SIAE: variants seen among roughly 807,000 people sequenced by gnomAD.
The protein encoded by SIAE is sialic acid acetylesterase.
SIAE carries 39 observed loss-of-function variants against 52.6 expected under a neutral mutation model. That is an observed-to-expected ratio of 0.74 (90% CI 0.57 to 0.97). The LOEUF is 0.97. Ranked by LOEUF, SIAE falls within the 50% of genes least tolerant of loss-of-function variation. The pLI is 0.00. For missense variants in SIAE, 592 were observed against 662.1 expected (o/e 0.89, Z 1.16); for synonymous variants, 233 against 241.4 (o/e 0.97, Z 0.32).
At position 124,633,574 on chromosome 11, in the gene SIAE, G is replaced by C. The variant is rs966385592; in HGVS notation, c.*3377C>G. Reference sequence around the variant, plus strand: ...TCTGACCAGCAGAGGGAGGGATCAGGCAGCAGTGTTTAGAGCACACCACAC... The same window carrying C: ...TCTGACCAGCAGAGGGAGGGATCAGCCAGCAGTGTTTAGAGCACACCACAC... On this transcript the variant is annotated 3_prime_UTR_variant, in exon 10 of 10. Transcript: ENST00000263593. 6.6e-6 allele frequency: 1 copy of C among 152,234 alleles called. No individual in the cohort carries two copies. Among genetic ancestry groups the C allele is most frequent in the Non-Finnish European group, 1.5e-5 (1 of 68,050 alleles). 9.4% of individuals were successfully genotyped at this position (152,234 alleles called of 1,614,324 possible).
At chr11:124,661,668 A>G (rs564017951) in intron 2 of SIAE, among the ~76,000 whole-genome samples, 1 of 152,376 alleles carries the variant, frequency 6.6e-6, no homozygotes, top group Non-Finnish European at 1.5e-5. Flanking sequence ...AGAATCAAGC[A>G]ACATGAACAA....
chr11:124,671,768 G>A (rs1035131274), intron 1 of SIAE, among the ~76,000 whole-genome samples: 1 of 151,974 alleles, frequency 6.6e-6, no homozygotes, highest in Admixed American at 6.5e-5. Flanking sequence ...TTTCTTGTTT[G>A]TTTGTTTTTT....
In SIAE at chr11:124,636,158, A is replaced by G. The variant is rs1375487650; in HGVS notation, c.*793T>C. The G allele has an allele frequency of 1.3e-5, 2 of 152,154 alleles. No individual in the cohort carries two copies. The highest frequency in any genetic ancestry group is 2.9e-5 in the Non-Finnish European group (2 of 68,050). The allele number at this position is 152,154 out of a possible 1,614,324, so 9.4% of individuals were successfully genotyped here. On this transcript the variant is annotated 3_prime_UTR_variant, in exon 10 of 10. Coordinates refer to ENST00000263593, the MANE Select transcript of SIAE (RefSeq NM_170601.5). ...GCAGCCCAAGTGCCTTCGCTGGGCT[A>G]CTCCCACCTGGCCCTTGCTTTTCAT...
Position 124,637,043 on chromosome 11 carries a change from G to A in SIAE, c.1480C>T (p.Leu494=), listed in dbSNP as rs758769574. 25 of 1,614,014 alleles carry A rather than the reference G, an allele frequency of 1.5e-5. No individual in the cohort carries two copies. In the South Asian group the frequency reaches 2.7e-4, roughly 18 times the overall value. The change falls in exon 10 of 10, where the codon CTA becomes TTA. Residue 494 remains leucine, a synonymous_variant. Transcript: ENST00000263593. The stretch of plus-strand genomic sequence containing the variant: ...GGCAGGGCACTACTGGGGTGGTATA[G>A]GGGACACTGCTTATATTCACAAGGC... The part of the protein sequence containing the change: ...TWPCEYKQCP[L]YHPSSALPAP...
intron 3 of SIAE, 56 bp downstream of exon 3, chr11:124,660,572 T>C (rs1419218372): frequency 1.9e-6 from 3 of 1,593,178 alleles, no homozygotes; most frequent in African/African-American, 2.7e-5. Flanking sequence ...TATTCCTCCT[T>C]CTTTTCCTTC....
intron 4 of SIAE, among the ~76,000 whole-genome samples, chr11:124,652,652 T>G (rs570493651): frequency 1.4e-5 from 2 of 138,878 alleles, no homozygotes; most frequent in Non-Finnish European, 3.0e-5. Flanking sequence ...CAAGATCACA[T>G]CACTGCACTC....
intron 1 of SIAE, among the ~76,000 whole-genome samples, chr11:124,673,236 G>C (rs995128302): frequency 1.3e-5 from 2 of 152,170 alleles, no homozygotes; most frequent in African/African-American, 4.8e-5. Flanking sequence ...CACCACTGAG[G>C]GGGTAGCGCT....
rs1222356866 is a variant in SIAE at position 124,670,192 on chromosome 11, G to C, written c.68-671C>G. ...CAAATAAATCAAGACACATAAATAA[G>C]GTCAGTGAGAGATAGAAGGTCAACA... is the stretch of plus-strand genomic sequence containing the variant. On this transcript the variant is annotated intron_variant, in intron 1 of 9. Transcript: ENST00000263593. This position sits in a 1 kb window ranked among gnomAD's most constrained non-coding sequence, Gnocchi z 4.5. 6.6e-6 allele frequency among the ~76,000 whole-genome samples: 1 copy of C among 152,090 alleles called. No homozygotes were observed. Among genetic ancestry groups the C allele is most frequent in the East Asian group, 1.9e-4 (1 of 5,192 alleles).
rs544665613 is a variant in SIAE, at chr11:124,641,857, G to A, written c.967-1990C>T. On this transcript the variant is annotated intron_variant, in intron 7 of 9. Transcript: ENST00000263593. ...TGCCTGTAATCCCAGCTACTCGGGAGGCTGAGGCAGGAGAATCACTTGAAC... is the reference window on the plus strand; with the variant it reads ...TGCCTGTAATCCCAGCTACTCGGGAAGCTGAGGCAGGAGAATCACTTGAAC... 2.2e-4 allele frequency among the ~76,000 whole-genome samples: 33 copies of A among 151,838 alleles called. 1 individual carries two copies. In the South Asian group the frequency reaches 6.7e-3, roughly 31 times the overall value.
Position 124,669,426 on chromosome 11 carries a change from C to T in SIAE, c.163G>A (p.Ala55Thr). 1.2e-6 allele frequency: 2 copies of T among 1,614,190 alleles called. No homozygotes were observed. The highest frequency in any genetic ancestry group is 1.7e-6 in the Non-Finnish European group (2 of 1,180,034). The change falls in exon 2 of 10, where the codon GCC becomes ACC. Residue 55 changes from alanine (A) to threonine (T), a missense_variant. Ala to Thr is a moderately conservative substitution (Grantham distance 58). Coordinates refer to ENST00000263593, the MANE Select transcript of SIAE (RefSeq NM_170601.5). Reference sequence around the variant, plus strand: ...TGGCGCAGGGTCACGGTCACTGTGGCTCCAGGTGTACCGAAGCCCCATATC... The same window carrying T: ...TGGCGCAGGGTCACGGTCACTGTGGTTCCAGGTGTACCGAAGCCCCATATC... ...AVIWGFGTPG[A>T]TVTVTLRQGQ...
chr11:124,671,406 A>C lies in SIAE; in HGVS notation c.68-1885T>G, dbSNP rs575096392. On this transcript the variant is annotated intron_variant, in intron 1 of 9. Transcript: ENST00000263593. ...ATAGCAGGCAAAAATCCTTGCCCAC[A>C]GGGAGCTTCCATTCTACTAGAGACT... Among the ~76,000 whole-genome samples, 4 of 152,338 alleles carry C rather than the reference A, an allele frequency of 2.6e-5. No individual in the cohort carries two copies. In the East Asian group the frequency reaches 7.7e-4, roughly 29 times the overall value.
At chr11:124,663,499 G>A (rs1300992016) in intron 2 of SIAE, among the ~76,000 whole-genome samples, 3 of 151,984 alleles carry the variant, frequency 2.0e-5, no homozygotes, top group Non-Finnish European at 4.4e-5. Flanking sequence ...GTGTGAACCC[G>A]GGAGGCGGAG....
rs531523777 is a variant in SIAE, at chr11:124,647,277, C to T, written c.966+88G>A. ...ATCCAGGAAAGAGATCCAAATAGCA[C>T]ATCCCCACACCAATGCCCATAAACC... On this transcript the variant is annotated intron_variant, in intron 7 of 9. Coordinates refer to ENST00000263593, the MANE Select transcript of SIAE (RefSeq NM_170601.5). 7 of 1,562,250 alleles carry T rather than the reference C, an allele frequency of 4.5e-6. No homozygotes were observed. In the African/African-American group the frequency reaches 9.5e-5, roughly 21 times the overall value.
chr11:124,638,551 CTTG>C lies in SIAE; in HGVS notation c.1308_1310del (p.Asn436del), dbSNP rs752182375. 52 of 1,614,168 alleles carry C rather than the reference CTTG, an allele frequency of 3.2e-5. No individual in the cohort carries two copies. Among genetic ancestry groups the C allele is most frequent in the Admixed American group, 1.7e-4 (10 of 60,030 alleles). On this transcript the variant is annotated inframe_deletion, in exon 9 of 10. Coordinates refer to ENST00000263593, the MANE Select transcript of SIAE (RefSeq NM_170601.5). ...CTGCTGTTCTTCTCACCTCAAATATCTTGTTGTCCTTTTTCTGCACCTGGATTT... is the reference window on the plus strand; with the variant it reads ...CTGCTGTTCTTCTCACCTCAAATATCTTGTCCTTTTTCTGCACCTGGATTT...
intron 1 of SIAE, among the ~76,000 whole-genome samples, chr11:124,672,859 G>C (rs935353048): frequency 6.6e-6 from 1 of 152,098 alleles, no homozygotes; most frequent in Admixed American, 6.5e-5. Flanking sequence ...TTCTTAACAG[G>C]GATCTCTGGG....
chr11:124,644,351 G>A (rs1172778655), intron 7 of SIAE, among the ~76,000 whole-genome samples: 1 of 98,976 alleles, frequency 1.0e-5, no homozygotes, highest in African/African-American at 4.0e-5. Flanking sequence ...AGTCTGTGGT[G>A]AGAAAAAAAA....
Position 124,648,134 on chromosome 11 carries a change from G to C in SIAE, c.764C>G (p.Ser255Cys). The change falls in exon 6 of 10, where the codon TCT becomes TGT. Residue 255 changes from serine to cysteine, a missense_variant. By Grantham distance (112) the Ser-to-Cys change is moderately radical. Transcript: ENST00000263593. ...YDSVTGPSKH[S>C]VLWNAMIHPL... ...ATGGATCATGGCATTCCAGAGAACA[G>C]AGTGCTTACTGGGACCAGTTACAGA... is the stretch of plus-strand genomic sequence containing the variant. The C allele has an allele frequency of 1.2e-6, 2 of 1,614,102 alleles. No individual in the cohort carries two copies. The highest frequency in any genetic ancestry group is 1.7e-6 in the Non-Finnish European group (2 of 1,179,980).
intron 5 of SIAE, 84 bp downstream of exon 5, chr11:124,649,535 T>C: frequency 1.4e-6 from 2 of 1,453,794 alleles, no homozygotes; most frequent in Non-Finnish European, 9.6e-7. Flanking sequence ...CACCATATAC[T>C]TAACTCCCCA....
intron 7 of SIAE, among the ~76,000 whole-genome samples, chr11:124,646,170 T>G (rs1227562676): frequency 6.6e-6 from 1 of 152,256 alleles, no homozygotes; most frequent in Non-Finnish European, 1.5e-5. Flanking sequence ...ATGAACTTGG[T>G]CAAATATGTT....
Sources: allele counts gnomAD v4.1 joint callset (sites outside exome capture counted in the v4.1 genomes callset), GRCh38; gene constraint gnomAD v4.1.1; non-coding constraint Gnocchi (gnomAD v3.1); transcripts MANE v1.5; gene names NCBI Gene and HGNC (gene_info 2026-07-23, HGNC 2026-07-21).